The following LIPH variants were observed in gnomAD, a reference collection of about 807,000 sequenced individuals.
The protein encoded by LIPH is lipase member H.
LIPH carries 32 observed loss-of-function variants against 47.6 expected under a neutral mutation model. The observed-to-expected ratio is 0.67, with a 90% CI of 0.51 to 0.90. The LOEUF (loss-of-function observed/expected upper bound fraction) is 0.90, where lower values mean the gene tolerates loss of function less well. LIPH is among the 40% of genes least tolerant of loss of function. The pLI is 0.00. For synonymous variants in LIPH, 190 were observed against 195.6 expected, an observed-to-expected ratio of 0.97 and a Z score of 0.24; for missense variants, 497 against 541.4, an observed-to-expected ratio of 0.92 and a Z score of 0.81.
chr3:185,518,191 A>G (rs1719790758), intron 6 of LIPH, among the ~76,000 whole-genome samples: 1 of 152,152 alleles, frequency 6.6e-6, no homozygotes, highest in African/African-American at 2.4e-5. Flanking sequence ...CTTCTTTTCC[A>G]TGCTAGAATA....
intron 3 of LIPH, among the ~76,000 whole-genome samples, chr3:185,532,852 G>A (rs1205492715): frequency 1.3e-5 from 2 of 151,870 alleles, no homozygotes; most frequent in East Asian, 1.9e-4. Flanking sequence ...AAAACTTGTG[G>A]CCCTAAAAGT....
At chr3:185,523,622 G>T (rs1719973478) in intron 5 of LIPH, among the ~76,000 whole-genome samples, 1 of 152,056 alleles carries the variant, frequency 6.6e-6, no homozygotes, top group Non-Finnish European at 1.5e-5. Context: ...GCCCAGGGTG[G>T]TCTTGAACTC....
chr3:185,512,669 A>G (rs1045718415), intron 8 of LIPH, among the ~76,000 whole-genome samples: 3 of 151,272 alleles, frequency 2.0e-5, no homozygotes, highest in Non-Finnish European at 4.4e-5. Context: ...TTGTATTTTT[A>G]ATGGAGACAG....
chr3:185,552,546 G>T lies in LIPH; in HGVS notation c.-75C>A. ...GCAGAGGCTTAAGAGTTTCCACTGT[G>T]GGATTTTGCTCACAGTGAGCTCAGA... On this transcript the variant is annotated 5_prime_UTR_variant, in exon 1 of 10. Transcript: ENST00000296252. 9.0e-7 allele frequency: 1 copy of T among 1,106,126 alleles called. No homozygotes were observed. The highest frequency in any genetic ancestry group is 1.4e-6 in the Non-Finnish European group (1 of 718,388). The allele number at this position is 1,106,126 out of a possible 1,614,324, so 68.5% of individuals were successfully genotyped here. A position where few individuals can be genotyped will look rare whatever the true frequency, so the allele number is the denominator to read the frequency against.
intron 3 of LIPH, among the ~76,000 whole-genome samples, chr3:185,529,193 G>A (rs4012714): frequency 0.53 from 60,583 of 114,994 alleles, 16,557 homozygotes; most frequent in South Asian, 0.69. Context: ...AAAAAAAAAA[G>A]AAAAAAAGAA....
chr3:185,538,782 CAT>C (rs1560169487), intron 1 of LIPH, among the ~76,000 whole-genome samples: 1 of 8,880 alleles, frequency 1.1e-4, no homozygotes, highest in East Asian at 7.0e-3. Context: ...TATATACACA[CAT>C]ATATACATAT....
chr3:185,544,348 TG>T (rs1182413318), intron 1 of LIPH, among the ~76,000 whole-genome samples: 30 of 151,184 alleles, frequency 2.0e-4, no homozygotes, highest in South Asian at 8.4e-4. Context: ...TGTTTTTTTT[TG>T]TTTTGTTTTG....
In LIPH at chr3:185,514,456, T is replaced by C. The variant is rs760529971; in HGVS notation, c.1048A>G (p.Lys350Glu). 1.3e-6 allele frequency: 2 copies of C among 1,590,134 alleles called. No individual in the cohort carries two copies. Among genetic ancestry groups the C allele is most frequent in the South Asian group, 1.1e-5 (1 of 90,604 alleles). The change falls in exon 8 of 10, where the codon AAA (lysine) becomes GAA (glutamate). Residue 350 changes from lysine to glutamate, a missense_variant. Transcript: ENST00000296252. The stretch of plus-strand genomic sequence containing the variant: ...GTGTTTCCAGCTTTGTCTCTCAATT[T>C]GATGGTAATGTCCCCTCTTCTTACA... ...KNVRRGDITI[K>E]LRDKAGNTTE...
rs192663776 is a variant in LIPH, at chr3:185,524,896, T to A, written c.629-736A>T. ...ATCTTTAAATATTTGAGAGCTAGGA[T>A]GGTAAAAAGATTGGAACTACTTCTA... is the stretch of plus-strand genomic sequence containing the variant. On this transcript the variant is annotated intron_variant, in intron 4 of 9. Transcript: ENST00000296252. 2.3e-3 allele frequency among the ~76,000 whole-genome samples: 348 copies of A among 152,228 alleles called. 2 individuals carry two copies. Among genetic ancestry groups the A allele is most frequent in the Non-Finnish European group, 8.7e-4 (59 of 68,022 alleles).
chr3:185,513,856 C>T (rs969734390), intron 8 of LIPH, among the ~76,000 whole-genome samples: 5 of 152,046 alleles, frequency 3.3e-5, no homozygotes, highest in East Asian at 3.9e-4. Flanking sequence ...CTGGCCAGCA[C>T]GGTGAAACCC....
At chr3:185,548,947 G>T (rs1577694378) in intron 1 of LIPH, among the ~76,000 whole-genome samples, 1 of 151,640 alleles carries the variant, frequency 6.6e-6, no homozygotes, top group Non-Finnish European at 1.5e-5. Context: ...GCCTGGCCAA[G>T]ATGGCGAAAC....
intron 3 of LIPH, among the ~76,000 whole-genome samples, chr3:185,530,371 G>A (rs866471753): frequency 6.6e-5 from 10 of 151,992 alleles, no homozygotes; most frequent in Non-Finnish European, 7.4e-5. Context: ...CCAGCTACTC[G>A]GGAGGCTGAG....
At chr3:185,509,593 A>AGC (rs1164392188) in intron 9 of LIPH, among the ~76,000 whole-genome samples, 108 of 152,312 alleles carry the variant, frequency 7.1e-4, no homozygotes, top group African/African-American at 2.5e-3. Context: ...ACGCGCTACT[A>AGC]CTGTACTCCA....
chr3:185,522,196 G>A lies in LIPH; in HGVS notation c.718+1875C>T, dbSNP rs6775933. On this transcript the variant is annotated intron_variant, in intron 5 of 9. Transcript: ENST00000296252. The stretch of plus-strand genomic sequence containing the variant: ...AGGGACCGTCCAGTGACAACAAGCC[G>A]GACATAAGAACTGCAACCACTTGTA... 9.1e-3 allele frequency among the ~76,000 whole-genome samples: 1,380 copies of A among 152,232 alleles called. 20 individuals carry two copies. Among genetic ancestry groups the A allele is most frequent in the African/African-American group, 0.031 (1,295 of 41,530 alleles).
intron 3 of LIPH, among the ~76,000 whole-genome samples, chr3:185,532,021 T>C (rs752994998): frequency 7.9e-5 from 12 of 152,032 alleles, no homozygotes; most frequent in Non-Finnish European, 8.8e-5. Context: ...CTTTTTCTTA[T>C]TGCTCTAAGA....
At position 185,519,218 on chromosome 3, in the gene LIPH, A is replaced by G. The variant is rs1719824196; in HGVS notation, c.810T>C (p.Cys270=). ...CATTCCTATAATCCTGGTAGGAGTC[A>G]CAGGGATACGCAGTGATGGTGCAGC... is the stretch of plus-strand genomic sequence containing the variant. ...RESCTITAYP[C]DSYQDYRNGK... Residue 270 remains cysteine (C), a synonymous_variant, in exon 6 of 10, where the codon TGT becomes TGC. Transcript: ENST00000296252. The G allele has an allele frequency of 2.5e-6, 4 of 1,612,734 alleles. No individual in the cohort carries two copies. The South Asian group carries it at 4.4e-5, about 18-fold the overall frequency.
At chr3:185,512,662 T>A (rs1299068903) in intron 8 of LIPH, among the ~76,000 whole-genome samples, 1 of 151,866 alleles carries the variant, frequency 6.6e-6, no homozygotes. Context: ...CTAATTTTTG[T>A]ATTTTTAATG....
chr3:185,527,158 G>A (rs949548798), intron 4 of LIPH, among the ~76,000 whole-genome samples: 5 of 152,132 alleles, frequency 3.3e-5, no homozygotes, highest in African/African-American at 1.2e-4. Context: ...AGGATGGCGA[G>A]AACCTGGGAG....
At chr3:185,524,019 G>T in intron 5 of LIPH, 52 bp downstream of exon 5, 1 of 1,265,054 alleles carries the variant, frequency 7.9e-7, no homozygotes, top group Non-Finnish European at 1.2e-6. Context: ...ACCATGCACA[G>T]CCTCCAAATA....
Sources: gnomAD v4.1 joint callset for allele counts (sites outside exome capture counted in the v4.1 genomes callset) on GRCh38, gnomAD v4.1.1 for gene constraint, MANE v1.5 for transcripts, NCBI Gene and HGNC (gene_info 2026-07-23, HGNC 2026-07-21) for gene names.